The following FGD6 variants were observed in gnomAD, a reference collection of about 807,000 sequenced individuals.
FGD6 encodes FYVE, RhoGEF and PH domain containing 6, also known as FYVE, RhoGEF and PH domain-containing protein 6.
A neutral mutation model predicts 149.4 loss-of-function variants in FGD6; 90 were observed. That is an observed-to-expected ratio of 0.60 (90% CI 0.51 to 0.72). The LOEUF is 0.72. Ranked by LOEUF, FGD6 falls within the 30% of genes least tolerant of loss-of-function variation. FGD6 has a pLI of 0.00. For synonymous variants in FGD6, 527 were observed against 584.0 expected, an observed-to-expected ratio of 0.90 and a Z score of 1.41; for missense variants, 1,437 against 1,684.8, an observed-to-expected ratio of 0.85 and a Z score of 2.57.
Position 95,172,746 on chromosome 12 carries a change from T to C in FGD6, c.2442-2A>G. The C allele has an allele frequency of 6.3e-7, 1 of 1,579,072 alleles. No homozygotes were observed. Among genetic ancestry groups the C allele is most frequent in the African/African-American group, 1.3e-5 (1 of 74,386 alleles). On this transcript the variant is annotated splice_acceptor_variant, in intron 2 of 20. Coordinates refer to ENST00000343958, the MANE Select transcript of FGD6 (RefSeq NM_018351.4). LOFTEE classifies it high-confidence loss of function. ...TGTTCCTCCTGGGATGCTCCTGAAC[T>C]GCATTCAACAGAAAGCAGGTATTAG...
chr12:95,116,990 A>G, intron 8 of FGD6: 1 of 449,960 alleles, frequency 2.2e-6, no homozygotes, highest in Middle Eastern at 3.5e-4. Context: ...ACCCAGGTGA[A>G]ACCCAGGAAA....
rs932615793 is a variant in FGD6, at chr12:95,179,218, G to A, written c.2442-6474C>T. The stretch of plus-strand genomic sequence containing the variant: ...ACTGACTAAAGACATAATCAGAGCC[G>A]GGGTGGTGACTGATGTCTGTAATCC... On this transcript the variant is annotated intron_variant, in intron 2 of 20. Transcript: ENST00000343958. 6.6e-5 allele frequency among the ~76,000 whole-genome samples: 10 copies of A among 152,150 alleles called. No individual in the cohort carries two copies. The South Asian group carries it at 1.0e-3, about 16-fold the overall frequency.
chr12:95,209,838 C>A lies in FGD6; in HGVS notation c.1446G>T (p.Lys482Asn). 6.2e-7 allele frequency: 1 copy of A among 1,607,476 alleles called. No individual in the cohort carries two copies. The highest frequency in any genetic ancestry group is 1.7e-4 in the Middle Eastern group (1 of 6,016). Residue 482 changes from lysine (K) to asparagine (N), a missense_variant, in exon 2 of 21, where the codon AAG becomes AAT. Physicochemically the swap from Lys to Asn is moderately conservative, Grantham distance 94 (BLOSUM62 0). This residue lies in a region of FGD6 where 1,055 missense variants were observed against 1,146.0 expected (regional missense o/e 0.92). Transcript: ENST00000343958. The stretch of plus-strand genomic sequence containing the variant: ...AATTTTCCTCTTTTATAACAGATTC[C>A]TTTTGCATTTGAGGGGCAGAAACTC... ...NLGVSAPQMQ[K>N]ESVIKEENSL...
chr12:95,083,012 A>AAAAAAT (rs68032073), intron 20 of FGD6, among the ~76,000 whole-genome samples: 1 of 20,038 alleles, frequency 5.0e-5, no homozygotes, highest in Non-Finnish European at 8.3e-5. Context: ...AAAAAAAAAA[A>AAAAAAT]ATATATATAT....
intron 20 of FGD6, among the ~76,000 whole-genome samples, chr12:95,083,044 C>CAT (rs1877751421): frequency 9.5e-6 from 1 of 105,566 alleles, no homozygotes; most frequent in Admixed American, 1.1e-4. Context: ...CACACATACA[C>CAT]ACACACACAC....
intron 3 of FGD6, among the ~76,000 whole-genome samples, chr12:95,171,184 G>C (rs1880978371): frequency 6.6e-6 from 1 of 152,156 alleles, no homozygotes; most frequent in Non-Finnish European, 1.5e-5. Flanking sequence ...ATCATAGCTG[G>C]TGGATCTGGG....
chr12:95,117,569 G>C (rs1438628739), intron 8 of FGD6, among the ~76,000 whole-genome samples: 1 of 152,124 alleles, frequency 6.6e-6, no homozygotes, highest in African/African-American at 2.4e-5. Context: ...TAGGACAACA[G>C]ACCTGTACTA....
chr12:95,146,808 C>T (rs1206225484), intron 5 of FGD6, among the ~76,000 whole-genome samples: 1 of 152,156 alleles, frequency 6.6e-6, no homozygotes, highest in Non-Finnish European at 1.5e-5. Flanking sequence ...TTAAGTTGAT[C>T]TTTAATTCTT....
At chr12:95,145,252 G>T (rs1319811600) in intron 5 of FGD6, among the ~76,000 whole-genome samples, 1 of 152,136 alleles carries the variant, frequency 6.6e-6, no homozygotes, top group African/African-American at 2.4e-5. Context: ...GCTTCCCAAA[G>T]TGTTGGGATT....
Position 95,217,236 on chromosome 12 carries a change from G to T in FGD6, c.5C>A (p.Thr2Asn). M[T>N]SAAEIKKPPV... ...GCGCCGTCACTTACCGGCTGCAGAA[G>T]TCATGATTCCCCGGTGCAGCTCGCT... Residue 2 changes from threonine (T) to asparagine (N), a missense_variant, in exon 1 of 21, where the codon ACT (threonine) becomes AAT (asparagine). By Grantham distance (65) the Thr-to-Asn change is moderately conservative. This residue lies in a region of FGD6 where 1,055 missense variants were observed against 1,146.0 expected (regional missense o/e 0.92). Coordinates refer to ENST00000343958, the MANE Select transcript of FGD6 (RefSeq NM_018351.4). 6.2e-7 allele frequency: 1 copy of T among 1,612,112 alleles called. No homozygotes were observed. The highest frequency in any genetic ancestry group is 8.5e-7 in the Non-Finnish European group (1 of 1,178,720).
intron 3 of FGD6, among the ~76,000 whole-genome samples, chr12:95,171,656 C>G (rs1256577367): frequency 6.6e-6 from 1 of 152,178 alleles, no homozygotes; most frequent in Non-Finnish European, 1.5e-5. Context: ...GCTGGGACTA[C>G]AGGTGCCCAC....
intron 8 of FGD6, chr12:95,126,133 A>T: frequency 1.9e-6 from 2 of 1,039,270 alleles, no homozygotes; most frequent in African/African-American, 1.6e-5. Context: ...ATAATCAAGA[A>T]TGAAGTTAAC....
intron 14 of FGD6, among the ~76,000 whole-genome samples, chr12:95,097,634 CA>C (rs34057454): frequency 0.023 from 977 of 43,350 alleles, 2 homozygotes; most frequent in African/African-American, 0.084. Context: ...GACTCTGTCT[CA>C]AAAAAAAAAA....
intron 2 of FGD6, among the ~76,000 whole-genome samples, chr12:95,176,347 G>A (rs181201225): frequency 6.6e-6 from 1 of 152,316 alleles, no homozygotes; most frequent in African/African-American, 2.4e-5. Context: ...TCCTAAGACT[G>A]TCTGCTTTGT....
At chr12:95,211,311 C>A in intron 1 of FGD6, 44 bp from the exon 2 acceptor site, 6 of 1,514,518 alleles carry the variant, frequency 4.0e-6, no homozygotes, top group Non-Finnish European at 5.2e-6. Flanking sequence ...ACAACCAAAG[C>A]ACAAAATGAT....
Position 95,081,414 on chromosome 12 carries a change from C to A in FGD6, c.*106G>T. 1.1e-6 allele frequency: 1 copy of A among 950,130 alleles called. No homozygotes were observed. The highest frequency in any genetic ancestry group is 1.5e-6 in the Non-Finnish European group (1 of 674,150). The allele number at this position is 950,130 out of a possible 1,614,324, so 58.9% of individuals were successfully genotyped here. A position where few individuals can be genotyped will look rare whatever the true frequency, so the allele number is the denominator to read the frequency against. On this transcript the variant is annotated 3_prime_UTR_variant, in exon 21 of 21. Transcript: ENST00000343958. ...TTTCTTTGATGAAGGGTCTGGTTGG[C>A]TTTATCTTGGCAGTGTTCATTTTTA...
intron 18 of FGD6, among the ~76,000 whole-genome samples, chr12:95,086,172 T>A (rs1329735040): frequency 6.6e-6 from 1 of 152,200 alleles, no homozygotes; most frequent in Non-Finnish European, 1.5e-5. Flanking sequence ...CTTGGTGGGT[T>A]CATCTGTGTT....
chr12:95,153,697 G>A (rs1256243271), intron 3 of FGD6, among the ~76,000 whole-genome samples: 7 of 151,970 alleles, frequency 4.6e-5, no homozygotes, highest in Admixed American at 4.6e-4. Context: ...AAAATAATTA[G>A]TTAATATCCA....
chr12:95,112,537 T>A (rs1225851535), intron 9 of FGD6, among the ~76,000 whole-genome samples: 1 of 148,370 alleles, frequency 6.7e-6, no homozygotes, highest in Admixed American at 6.7e-5. Flanking sequence ...GAGGCAGAGG[T>A]TGCAGTGAGC....
Sources: gnomAD v4.1 joint callset for allele counts (sites outside exome capture counted in the v4.1 genomes callset) on GRCh38, gnomAD v4.1.1 for gene constraint, gnomAD v4.1.1 regional missense constraint, MANE v1.5 for transcripts, NCBI Gene and HGNC (gene_info 2026-07-23, HGNC 2026-07-21) for gene names.